EPS15: variants seen among roughly 807,000 people sequenced by gnomAD.
EPS15 encodes the protein epidermal growth factor receptor substrate 15.
A neutral mutation model predicts 113.8 loss-of-function variants in EPS15; 72 were observed. The ratio of observed to expected loss-of-function variants is 0.63; its 90% CI spans 0.52 to 0.77. EPS15 has a LOEUF of 0.77. Among genes scored for constraint, EPS15 ranks in the 30% least tolerant of loss-of-function variants. The probability of loss-of-function intolerance (pLI) is 0.00; values close to 1 mark genes in which losing one functional copy is unlikely to be tolerated. For synonymous variants in EPS15, 344 were observed against 363.4 expected, an observed-to-expected ratio of 0.95 and a Z score of 0.61; for missense variants, 1,048 against 1,045.8, an observed-to-expected ratio of 1.00 and a Z score of -0.03.
At chr1:51,372,952 T>G (rs1646696014) in intron 21 of EPS15, 1 of 531,766 alleles carries the variant, frequency 1.9e-6, no homozygotes, top group East Asian at 7.2e-5. Context: ...GCAGGAAGTC[T>G]TCAATCTGCT....
intron 1 of EPS15, among the ~76,000 whole-genome samples, chr1:51,511,357 G>A (rs1365758122): frequency 4.0e-5 from 6 of 151,466 alleles, no homozygotes; most frequent in Admixed American, 6.6e-5. Flanking sequence ...TTAGCCAGGC[G>A]TGGTGATGCA....
chr1:51,503,630 GAAC>G (rs1010091356), intron 1 of EPS15, among the ~76,000 whole-genome samples: 2 of 151,912 alleles, frequency 1.3e-5, no homozygotes, highest in South Asian at 2.1e-4. Flanking sequence ...CAACAGAAGT[GAAC>G]AACAACAAAA....
intron 21 of EPS15, among the ~76,000 whole-genome samples, chr1:51,390,558 C>T (rs1339105791): frequency 5.3e-5 from 8 of 151,364 alleles, no homozygotes; most frequent in African/African-American, 1.9e-4. Flanking sequence ...ATTTTTGCAA[C>T]CTACTCATCT....
intron 1 of EPS15, among the ~76,000 whole-genome samples, chr1:51,486,962 G>A (rs1311683379): frequency 1.3e-5 from 2 of 152,008 alleles, no homozygotes; most frequent in Admixed American, 6.6e-5. Flanking sequence ...AAGCCACTGC[G>A]CCCAGCCTAT....
At chr1:51,506,786 GA>G (rs79949080) in intron 1 of EPS15, among the ~76,000 whole-genome samples, 4,811 of 98,820 alleles carry the variant, frequency 0.049, 111 homozygotes, top group Non-Finnish European at 0.071. Flanking sequence ...AAGTGTGCCA[GA>G]AAAAAAAAAA....
At chr1:51,518,019 T>C (rs1294147393) in intron 1 of EPS15, among the ~76,000 whole-genome samples, 1 of 151,448 alleles carries the variant, frequency 6.6e-6, no homozygotes, top group Non-Finnish European at 1.5e-5. Context: ...GGCCAAGGAG[T>C]ACAAGATGGC....
At chr1:51,391,123 ACTATGGAGC>A (rs1647310187) in intron 21 of EPS15, among the ~76,000 whole-genome samples, 2 of 152,244 alleles carry the variant, frequency 1.3e-5, no homozygotes, top group African/African-American at 4.8e-5. Flanking sequence ...ACCATGGAAT[ACTATGGAGC>A]CATAAAAAAT....
chr1:51,419,278 A>G (rs1014820423), intron 13 of EPS15, among the ~76,000 whole-genome samples: 2 of 152,154 alleles, frequency 1.3e-5, no homozygotes, highest in Non-Finnish European at 2.9e-5. Flanking sequence ...TCAAGAAAAA[A>G]TCCTAAACAG....
chr1:51,474,680 TTTA>T (rs1317120693), intron 2 of EPS15, among the ~76,000 whole-genome samples: 5 of 151,740 alleles, frequency 3.3e-5, no homozygotes, highest in African/African-American at 9.6e-5. Flanking sequence ...GTTTTCTTTT[TTTA>T]TTATTATTAT....
intron 21 of EPS15, among the ~76,000 whole-genome samples, chr1:51,367,237 G>C (rs1168114983): frequency 2.0e-5 from 3 of 152,130 alleles, no homozygotes; most frequent in Non-Finnish European, 2.9e-5. Flanking sequence ...CTACCAGGCA[G>C]AAGGAACAGT....
chr1:51,472,968 T>C lies in EPS15; in HGVS notation c.76-20A>G. 1 of 1,588,542 alleles carries C rather than the reference T, an allele frequency of 6.3e-7. No homozygotes were observed. Among genetic ancestry groups the C allele is most frequent in the Non-Finnish European group, 8.6e-7 (1 of 1,157,894 alleles). On this transcript the variant is annotated intron_variant, in intron 2 of 24. Transcript: ENST00000371733. ...ATCAACCTGAAAAGATACAAATCCG[T>C]AAGTTGACAACAAAATACAAAAGGC...
At chr1:51,517,647 G>A (rs1447003657) in intron 1 of EPS15, among the ~76,000 whole-genome samples, 1 of 152,208 alleles carries the variant, frequency 6.6e-6, no homozygotes, top group African/African-American at 2.4e-5. Context: ...AAAAGTCAGT[G>A]CTGTAGTTGT....
At chr1:51,363,168 C>T (rs982470699) in intron 23 of EPS15, among the ~76,000 whole-genome samples, 2 of 151,766 alleles carry the variant, frequency 1.3e-5, no homozygotes, top group Non-Finnish European at 1.5e-5. Flanking sequence ...CATGGTGGAT[C>T]ATGCCTATAA....
At chr1:51,369,487 T>C (rs1052845993) in intron 21 of EPS15, among the ~76,000 whole-genome samples, 1 of 152,198 alleles carries the variant, frequency 6.6e-6, no homozygotes, top group African/African-American at 2.4e-5. Context: ...TATGACCTCA[T>C]TAGTACCGCC....
intron 12 of EPS15, among the ~76,000 whole-genome samples, chr1:51,426,181 G>C (rs1651182576): frequency 6.6e-6 from 1 of 151,734 alleles, no homozygotes; most frequent in African/African-American, 2.4e-5. Context: ...TCCTTCTAGG[G>C]TTCAGCAGTC....
intron 1 of EPS15, among the ~76,000 whole-genome samples, chr1:51,514,521 A>G (rs1340983637): frequency 1.3e-5 from 2 of 152,200 alleles, no homozygotes; most frequent in East Asian, 1.9e-4. Flanking sequence ...AAGTATATAA[A>G]GTGCTTTTTG....
chr1:51,421,524 T>A (rs955261366), intron 13 of EPS15, among the ~76,000 whole-genome samples: 18 of 152,166 alleles, frequency 1.2e-4, no homozygotes, highest in African/African-American at 4.1e-4. Context: ...TGATATAATA[T>A]GCAGGTAAGT....
intron 12 of EPS15, among the ~76,000 whole-genome samples, chr1:51,435,556 A>T (rs1652085100): frequency 1.3e-5 from 2 of 152,214 alleles, no homozygotes; most frequent in Non-Finnish European, 1.5e-5. Flanking sequence ...CCTTAGTTCA[A>T]CATTTAACAC....
At chr1:51,459,697 G>A (rs1383323051) in intron 8 of EPS15, among the ~76,000 whole-genome samples, 5 of 151,628 alleles carry the variant, frequency 3.3e-5, no homozygotes, top group Non-Finnish European at 7.4e-5. Flanking sequence ...AATCCAATCA[G>A]GTTGAAAGTA....
Sources: allele counts gnomAD v4.1 joint callset (sites outside exome capture counted in the v4.1 genomes callset), GRCh38; gene constraint gnomAD v4.1.1; transcripts MANE v1.5; gene names NCBI Gene and HGNC (gene_info 2026-07-23, HGNC 2026-07-21).